The following GPHN variants were observed in gnomAD, a reference collection of about 807,000 sequenced individuals.
The protein encoded by GPHN is gephyrin.
Under a neutral mutation model 95.5 loss-of-function variants are expected in GPHN, and 17 were observed. The observed-to-expected ratio is 0.18, with a 90% CI of 0.12 to 0.27. GPHN has a LOEUF of 0.27. Ranked by LOEUF, GPHN falls within the 10% of genes least tolerant of loss-of-function variation. GPHN has a pLI of 1.00. For synonymous variants in GPHN, 320 were observed against 322.5 expected (o/e 0.99, Z 0.08); for missense variants, 660 against 978.1 (o/e 0.67, Z 4.34).
the GPHN span, chr14:67,592,725 GA>G: frequency 1.9e-6 from 3 of 1,550,558 alleles, no homozygotes; most frequent in Admixed American, 5.1e-5. Context: ...TCTGCTGTAA[GA>G]AAATAAATCA....
intron 10 of GPHN, among the ~76,000 whole-genome samples, chr14:67,035,014 G>A (rs891409603): frequency 6.6e-6 from 1 of 151,950 alleles, no homozygotes; most frequent in African/African-American, 2.4e-5. Flanking sequence ...CCACATATTA[G>A]GCTAAAAAAC....
At chr14:66,972,891 T>C (rs2069916066) in intron 9 of GPHN, among the ~76,000 whole-genome samples, 3 of 152,152 alleles carry the variant, frequency 2.0e-5, no homozygotes, top group Admixed American at 2.0e-4. Flanking sequence ...ACTGCCTTAA[T>C]TTATACTAGG....
chr14:67,583,555 C>A, the GPHN span, among the ~76,000 whole-genome samples: 2 of 152,164 alleles, frequency 1.3e-5, no homozygotes, highest in African/African-American at 4.8e-5. Context: ...TATTCGAGGG[C>A]CCTAAGTTTG....
At chr14:66,592,409 C>T (rs878939119) in intron 1 of GPHN, among the ~76,000 whole-genome samples, 1 of 148,530 alleles carries the variant, frequency 6.7e-6, no homozygotes, top group South Asian at 2.1e-4. Context: ...ATCCATCTGA[C>T]AAAGGGCCAA....
At chr14:67,625,045 G>A in the GPHN span, among the ~76,000 whole-genome samples, 5 of 152,056 alleles carry the variant, frequency 3.3e-5, no homozygotes, top group Non-Finnish European at 7.4e-5. Flanking sequence ...TGACTGGTCT[G>A]ATGGTTTCCT....
At chr14:67,577,448 G>A in the GPHN span, 1 of 1,314,838 alleles carries the variant, frequency 7.6e-7, no homozygotes. Flanking sequence ...CCACCGCTGG[G>A]ATACTTGCAA....
the GPHN span, among the ~76,000 whole-genome samples, chr14:67,222,956 GT>G: frequency 6.7e-6 from 1 of 148,790 alleles, no homozygotes; most frequent in African/African-American, 2.5e-5. Context: ...TATAGAATAG[GT>G]TTTTACACAA....
the GPHN span, among the ~76,000 whole-genome samples, chr14:67,694,514 ATAT>A: frequency 7.3e-6 from 1 of 136,078 alleles, no homozygotes; most frequent in Non-Finnish European, 1.6e-5. Flanking sequence ...ATACACACAT[ATAT>A]TTTTTTTTTT....
At chr14:67,651,415 C>G in the GPHN span, 2 of 1,613,896 alleles carry the variant, frequency 1.2e-6, no homozygotes, top group Non-Finnish European at 1.7e-6. Context: ...TGTAGTAAAC[C>G]AGGCCTCCCA....
intron 4 of GPHN, among the ~76,000 whole-genome samples, chr14:66,838,562 C>T (rs1370119303): frequency 6.6e-6 from 1 of 152,084 alleles, no homozygotes; most frequent in Non-Finnish European, 1.5e-5. Context: ...AAGAGGCTAG[C>T]ATACCAGAAT....
At chr14:67,508,764 A>C in the GPHN span, among the ~76,000 whole-genome samples, 2 of 150,588 alleles carry the variant, frequency 1.3e-5, no homozygotes, top group Admixed American at 6.6e-5. Flanking sequence ...AAAAAAAAAA[A>C]AAAAAAACAG....
intron 10 of GPHN, among the ~76,000 whole-genome samples, 157 bp downstream of exon 10, chr14:67,023,832 A>T (rs934452128): frequency 2.6e-5 from 4 of 152,208 alleles, no homozygotes; most frequent in African/African-American, 9.6e-5. Context: ...GCCAGTATCA[A>T]TACATTAATA....
At chr14:67,504,289 C>T in the GPHN span, among the ~76,000 whole-genome samples, 1 of 152,202 alleles carries the variant, frequency 6.6e-6, no homozygotes, top group Admixed American at 6.5e-5. Context: ...GCTGGGGTTG[C>T]AGGCGTGAGC....
intron 1 of GPHN, among the ~76,000 whole-genome samples, chr14:66,614,931 T>C (rs1053744500): frequency 6.6e-6 from 1 of 152,186 alleles, no homozygotes; most frequent in African/African-American, 2.4e-5. Context: ...GTGTTCTCAC[T>C]GTTCAACTCC....
chr14:67,217,150 A>G, the GPHN span, among the ~76,000 whole-genome samples: 238 of 150,388 alleles, frequency 1.6e-3, no homozygotes, highest in African/African-American at 5.6e-3. Context: ...TTATAACTAT[A>G]GAATGACTTT....
chr14:66,638,430 A>G (rs555489659), intron 1 of GPHN, among the ~76,000 whole-genome samples: 18 of 152,228 alleles, frequency 1.2e-4, no homozygotes, highest in Admixed American at 4.6e-4. Context: ...GGGAAACACT[A>G]TCTCAAAACA....
At chr14:67,690,616 T>C in the GPHN span, 1 of 578,882 alleles carries the variant, frequency 1.7e-6, no homozygotes, top group Non-Finnish European at 3.1e-6. Context: ...GAGGCATCCT[T>C]ATATGAGCGA....
chr14:67,571,787 C>T, the GPHN span: 22 of 1,613,764 alleles, frequency 1.4e-5, 1 homozygote, highest in Admixed American at 5.0e-5. Context: ...CCTTTATGGA[C>T]GAGTCCTCTG....
the GPHN span, among the ~76,000 whole-genome samples, chr14:67,633,627 C>T: frequency 6.6e-6 from 1 of 152,196 alleles, no homozygotes; most frequent in African/African-American, 2.4e-5. Context: ...ATTTTCTACA[C>T]TGCTGTCTGA....
Sources: allele counts gnomAD v4.1 joint callset (sites outside exome capture counted in the v4.1 genomes callset), GRCh38; gene constraint gnomAD v4.1.1; transcripts MANE v1.5; gene names NCBI Gene and HGNC (gene_info 2026-07-23, HGNC 2026-07-21).